MARVELD2: variants seen among roughly 807,000 people sequenced by gnomAD.
MARVELD2 encodes the protein MARVEL domain-containing protein 2.
Under a neutral mutation model 57.6 loss-of-function variants are expected in MARVELD2, and 49 were observed. The observed-to-expected ratio is 0.85, with a 90% CI of 0.68 to 1.08. MARVELD2 has a LOEUF of 1.08. Among genes scored for constraint, MARVELD2 ranks in the 50% least tolerant of loss-of-function variants. MARVELD2 has a pLI of 0.00. For synonymous variants in MARVELD2, 238 were observed against 258.8 expected (o/e 0.92, Z 0.77); for missense variants, 606 against 701.1 (o/e 0.86, Z 1.53).
intron 5 of MARVELD2, among the ~76,000 whole-genome samples, chr5:69,437,839 G>A (rs529625811): frequency 1.3e-5 from 2 of 152,280 alleles, no homozygotes; most frequent in East Asian, 3.9e-4. Flanking sequence ...AGTACAGGTT[G>A]AGAGACCAAG....
Position 69,419,956 on chromosome 5 carries a change from G to C in MARVELD2, c.571G>C (p.Gly191Arg). ...LRYSYMKSWA[G>R]LLRILGVVEL... is the part of the protein sequence containing the mutation. The stretch of plus-strand genomic sequence containing the variant: ...ATACTCCTACATGAAGTCGTGGGCA[G>C]GCCTGCTGAGAATACTGGGTGTGGT... The change falls in exon 2 of 7, where the codon GGC becomes CGC. Residue 191 changes from glycine (G) to arginine (R), a missense_variant. Transcript: ENST00000325631. 6.2e-7 allele frequency: 1 copy of C among 1,614,166 alleles called. No homozygotes were observed. Among genetic ancestry groups the C allele is most frequent in the Non-Finnish European group, 8.5e-7 (1 of 1,180,028 alleles).
At chr5:69,426,022 G>T (rs1176418757) in intron 3 of MARVELD2, among the ~76,000 whole-genome samples, 1 of 151,914 alleles carries the variant, frequency 6.6e-6, no homozygotes, top group East Asian at 1.9e-4. Flanking sequence ...GATTATGGGT[G>T]TGAGCCAGCA....
At chr5:69,439,953 A>G (rs1324397580) in intron 5 of MARVELD2, among the ~76,000 whole-genome samples, 1 of 152,152 alleles carries the variant, frequency 6.6e-6, no homozygotes, top group Non-Finnish European at 1.5e-5. Flanking sequence ...GGAGCCTTAT[A>G]TTAGCTATTT....
chr5:69,418,289 G>A (rs1209899855), intron 1 of MARVELD2, among the ~76,000 whole-genome samples: 2 of 152,112 alleles, frequency 1.3e-5, no homozygotes, highest in African/African-American at 4.8e-5. Context: ...TAAACAATTC[G>A]AGAGAGAAAT....
At chr5:69,424,750 T>C in intron 3 of MARVELD2, 114 bp downstream of exon 3, 1 of 859,618 alleles carries the variant, frequency 1.2e-6, no homozygotes, top group South Asian at 1.4e-5. Context: ...ATTGGCCAGG[T>C]GTGGTGGCTC....
intron 1 of MARVELD2, among the ~76,000 whole-genome samples, chr5:69,417,660 G>A (rs2150911054): frequency 6.6e-6 from 1 of 152,150 alleles, no homozygotes; most frequent in Non-Finnish European, 1.5e-5. Flanking sequence ...TAAAGAATTA[G>A]CGGCCGAGCG....
rs751906364 is a variant in MARVELD2 at position 69,441,703 on chromosome 5, G to C, written c.*49G>C. On this transcript the variant is annotated 3_prime_UTR_variant, in exon 7 of 7. Coordinates refer to ENST00000325631, the MANE Select transcript of MARVELD2 (RefSeq NM_001038603.3). Reference sequence around the variant, plus strand: ...TTTTTATTTTATTTTATTTTTTTGAGATGAAGTCTCGCTCTGTTACCCAGG... The same window carrying C: ...TTTTTATTTTATTTTATTTTTTTGACATGAAGTCTCGCTCTGTTACCCAGG... 7.5e-7 allele frequency: 1 copy of C among 1,340,072 alleles called. No individual in the cohort carries two copies. The highest frequency in any genetic ancestry group is 1.2e-5 in the South Asian group (1 of 81,206). The allele number at this position is 1,340,072 out of a possible 1,614,324, so 83.0% of individuals were successfully genotyped here. A position where few individuals can be genotyped will look rare whatever the true frequency, so the allele number is the denominator to read the frequency against.
At position 69,444,127 on chromosome 5, in the gene MARVELD2, G is replaced by A. The variant is rs535767436; in HGVS notation, c.*2473G>A. On this transcript the variant is annotated 3_prime_UTR_variant, in exon 7 of 7. Transcript: ENST00000325631. ...TTTTAAAATAAAGTTTATAAATGTA[G>A]CTAATCTTTGAAAAACCAATGCAGT... The A allele has an allele frequency of 5.9e-5, 9 of 151,590 alleles. No homozygotes were observed. The South Asian group carries it at 1.9e-3, about 32-fold the overall frequency. The allele number at this position is 151,590 out of a possible 1,614,324, so 9.4% of individuals were successfully genotyped here.
Position 69,436,085 on chromosome 5 carries a change from CATT to C in MARVELD2, c.1503+2993_1503+2995del, listed in dbSNP as rs557286527. ...AAATGTCTATATAGTCATTTCCACT[CATT>C]GGCTGTTACGAATAATGCTGGTATA... On this transcript the variant is annotated intron_variant, in intron 5 of 6. Transcript: ENST00000325631. Among the ~76,000 whole-genome samples the C allele has an allele frequency of 1.3e-4, 20 of 152,278 alleles. No individual in the cohort carries two copies. The East Asian group carries it at 3.9e-3, about 29-fold the overall frequency.
rs1341791913 is a variant in MARVELD2, at chr5:69,443,245, C to CTGGAGTA, written c.*1592_*1598dup. Reference sequence around the variant, plus strand: ...TGGAGTTTCGCTCTTGTTGCCCAGGCTGGAGTACAGTGGTATGATCTTGGC... The same window carrying CTGGAGTA: ...TGGAGTTTCGCTCTTGTTGCCCAGGCTGGAGTATGGAGTACAGTGGTATGATCTTGGC... On this transcript the variant is annotated 3_prime_UTR_variant, in exon 7 of 7. Coordinates refer to ENST00000325631, the MANE Select transcript of MARVELD2 (RefSeq NM_001038603.3). 4.7e-5 allele frequency: 7 copies of CTGGAGTA among 147,656 alleles called. No individual in the cohort carries two copies. Among genetic ancestry groups the CTGGAGTA allele is most frequent in the African/African-American group, 1.8e-4 (7 of 39,844 alleles). The allele number at this position is 147,656 out of a possible 1,614,324, so 9.1% of individuals were successfully genotyped here. A position where few individuals can be genotyped will look rare whatever the true frequency, so the allele number is the denominator to read the frequency against.
intron 5 of MARVELD2, among the ~76,000 whole-genome samples, chr5:69,434,290 C>A (rs955888079): frequency 6.6e-6 from 1 of 151,976 alleles, no homozygotes; most frequent in African/African-American, 2.4e-5. Flanking sequence ...ATGGTGAAAC[C>A]CTGTCTCTAC....
intron 3 of MARVELD2, 103 bp downstream of exon 3, chr5:69,424,739 T>C: frequency 1.0e-6 from 1 of 968,570 alleles, no homozygotes; most frequent in Non-Finnish European, 1.6e-6. Flanking sequence ...GAAATGTAGC[T>C]ATTGGCCAGG....
Position 69,420,255 on chromosome 5 carries a change from C to T in MARVELD2, c.870C>T (p.Pro290=). The T allele has an allele frequency of 6.2e-7, 1 of 1,614,104 alleles. No individual in the cohort carries two copies. The highest frequency in any genetic ancestry group is 2.2e-5 in the East Asian group (1 of 44,876). Residue 290 remains proline, a synonymous_variant, in exon 2 of 7, where the codon CCC becomes CCT. Coordinates refer to ENST00000325631, the MANE Select transcript of MARVELD2 (RefSeq NM_001038603.3). ...RTILLDSNWW[P]LTEFGINVAL... is the part of the protein sequence containing the mutation. Reference sequence around the variant, plus strand: ...TTCTTCTGGACTCTAATTGGTGGCCCCTAACTGAATTTGGAATTAACGTTG... The same window carrying T: ...TTCTTCTGGACTCTAATTGGTGGCCTCTAACTGAATTTGGAATTAACGTTG...
intron 3 of MARVELD2, among the ~76,000 whole-genome samples, chr5:69,426,580 G>A (rs1050810891): frequency 6.6e-5 from 10 of 152,064 alleles, no homozygotes; most frequent in East Asian, 1.9e-4. Flanking sequence ...TGATCCACCC[G>A]CCTTAGCCTC....
At position 69,420,101 on chromosome 5, in the gene MARVELD2, T is replaced by G. The variant is rs781312124; in HGVS notation, c.716T>G (p.Leu239Trp). The stretch of plus-strand genomic sequence containing the variant: ...TATGGCATGGGAGGCGTTGGTGGAT[T>G]GGGCAGTATGTATGGGGGCTATTAC... The part of the protein sequence containing the change: ...QPYGMGGVGG[L>W]GSMYGGYYYT... The change falls in exon 2 of 7, where the codon TTG (leucine) becomes TGG (tryptophan). Residue 239 changes from leucine (L) to tryptophan (W), a missense_variant. Transcript: ENST00000325631. 19 of 1,614,032 alleles carry G rather than the reference T, an allele frequency of 1.2e-5. No homozygotes were observed. The highest frequency in any genetic ancestry group is 1.0e-4 in the Admixed American group (6 of 59,994).
chr5:69,421,272 T>C (rs1766618519), intron 2 of MARVELD2, among the ~76,000 whole-genome samples: 1 of 152,206 alleles, frequency 6.6e-6, no homozygotes, highest in Admixed American at 6.5e-5. Context: ...GGTTGAACAG[T>C]AGCAAATGTT....
At chr5:69,433,355 C>T (rs1274269578) in intron 5 of MARVELD2, among the ~76,000 whole-genome samples, 1 of 150,892 alleles carries the variant, frequency 6.6e-6, no homozygotes, top group Non-Finnish European at 1.5e-5. Context: ...AGTGGAGACG[C>T]GGTTTTGCCA....
chr5:69,420,246 T>C lies in MARVELD2; in HGVS notation c.861T>C (p.Asn287=). Reference sequence around the variant, plus strand: ...ACCGGACCATTCTTCTGGACTCTAATTGGTGGCCCCTAACTGAATTTGGAA... The same window carrying C: ...ACCGGACCATTCTTCTGGACTCTAACTGGTGGCCCCTAACTGAATTTGGAA... The part of the protein sequence containing the change: ...MYYRTILLDS[N]WWPLTEFGIN... The change falls in exon 2 of 7, where the codon AAT becomes AAC. Residue 287 remains asparagine, a synonymous_variant. Transcript: ENST00000325631. 1.2e-6 allele frequency: 2 copies of C among 1,614,202 alleles called. No homozygotes were observed. The highest frequency in any genetic ancestry group is 1.7e-6 in the Non-Finnish European group (2 of 1,180,028).
intron 5 of MARVELD2, 37 bp downstream of exon 5, chr5:69,433,130 T>C: frequency 7.2e-7 from 1 of 1,389,968 alleles, no homozygotes; most frequent in East Asian, 2.3e-5. Flanking sequence ...AGCACTGAAA[T>C]CTAGAGGATG....
Sources: allele counts gnomAD v4.1 joint callset (sites outside exome capture counted in the v4.1 genomes callset), GRCh38; gene constraint gnomAD v4.1.1; transcripts MANE v1.5; gene names NCBI Gene and HGNC (gene_info 2026-07-23, HGNC 2026-07-21).